The following AUTS2 variants were observed in gnomAD, a reference collection of about 807,000 sequenced individuals.
The protein encoded by AUTS2 is autism susceptibility gene 2 protein.
Under a neutral mutation model 112.4 loss-of-function variants are expected in AUTS2, and 17 were observed. The observed-to-expected ratio is 0.15, with a 90% CI of 0.10 to 0.23. The LOEUF (loss-of-function observed/expected upper bound fraction) is 0.23. Ranked by LOEUF, AUTS2 falls within the 10% of genes least tolerant of loss-of-function variation. The pLI, the probability that AUTS2 is intolerant of heterozygous loss-of-function variation, is 1.00. For missense variants in AUTS2, 1,510 were observed against 1,701.6 expected, an observed-to-expected ratio of 0.89 and a Z score of 1.98; for synonymous variants, 751 against 702.7, an observed-to-expected ratio of 1.07 and a Z score of -1.09.
At chr7:70,750,001 G>A (rs147111815) in intron 6 of AUTS2, among the ~76,000 whole-genome samples, 5 of 152,298 alleles carry the variant, frequency 3.3e-5, no homozygotes, top group African/African-American at 4.8e-5. Flanking sequence ...GAGACTGCTG[G>A]TGGAAATTAA....
intron 1 of AUTS2, among the ~76,000 whole-genome samples, chr7:69,682,485 A>C (rs1796843241): frequency 1.3e-5 from 2 of 152,214 alleles, no homozygotes; most frequent in Admixed American, 6.5e-5. Flanking sequence ...CTAGCTGTGT[A>C]ATCCTGGTGG....
intron 5 of AUTS2, among the ~76,000 whole-genome samples, chr7:70,613,490 A>ACTCATTAAGTCTCCC (rs968852222): frequency 6.6e-6 from 1 of 151,994 alleles, no homozygotes; most frequent in African/African-American, 2.4e-5. Flanking sequence ...CCTGGTGAGA[A>ACTCATTAAGTCTCCC]CTCATTAAGT....
In AUTS2 at chr7:70,671,186, AAAAC is replaced by A. The variant is rs906589684; in HGVS notation, c.691-27371_691-27368del. Among the ~76,000 whole-genome samples, 79 of 152,278 alleles carry A rather than the reference AAAAC, an allele frequency of 5.2e-4. 1 individual carries two copies. Among genetic ancestry groups the A allele is most frequent in the Admixed American group, 1.7e-3 (26 of 15,306 alleles). On this transcript the variant is annotated intron_variant, in intron 5 of 18. Transcript: ENST00000342771. ...GTGACAGAGCGAGACTCCGTCTCAA[AAAAC>A]AAACAAACAAAAACAAACAACAAAA...
chr7:70,533,703 G>A (rs542084158), intron 5 of AUTS2, among the ~76,000 whole-genome samples: 5 of 152,208 alleles, frequency 3.3e-5, no homozygotes, highest in African/African-American at 7.2e-5. Context: ...AATCTCTGCC[G>A]ATGCAGACCT....
chr7:69,642,737 C>A (rs947006987), intron 1 of AUTS2, among the ~76,000 whole-genome samples: 1 of 152,096 alleles, frequency 6.6e-6, no homozygotes, highest in Non-Finnish European at 1.5e-5. Flanking sequence ...AACAAATATA[C>A]CCACCCCTTC....
At chr7:69,904,047 A>G (rs1380535927) in intron 2 of AUTS2, among the ~76,000 whole-genome samples, 1 of 152,170 alleles carries the variant, frequency 6.6e-6, no homozygotes, top group Non-Finnish European at 1.5e-5. Context: ...TTAAAATTAG[A>G]GTGATTACTA....
At chr7:70,789,049 C>T (rs549884763) in intron 18 of AUTS2, among the ~76,000 whole-genome samples, 47 of 152,338 alleles carry the variant, frequency 3.1e-4, no homozygotes, top group South Asian at 1.7e-3. Flanking sequence ...GTTTAGGGAC[C>T]TGCTTTTCCT....
chr7:70,245,133 A>T (rs1168163463), intron 4 of AUTS2, among the ~76,000 whole-genome samples: 10 of 58,732 alleles, frequency 1.7e-4, no homozygotes, highest in African/African-American at 6.0e-4. Flanking sequence ...AAAAAAAAAA[A>T]GTGTGTGTGT....
At position 69,651,416 on chromosome 7, in the gene AUTS2, T is replaced by C. The variant is rs534118240; in HGVS notation, c.309+51454T>C. ...TGGCCATTTTACTCCGTGGCTAATA[T>C]TTGGAACTAGTCATTTCTGGATTGT... On this transcript the variant is annotated intron_variant, in intron 1 of 18. Transcript: ENST00000342771. Among the ~76,000 whole-genome samples the C allele has an allele frequency of 3.3e-4, 51 of 152,358 alleles. 2 individuals carry two copies. The South Asian group carries it at 9.9e-3, about 30-fold the overall frequency.
chr7:70,781,952 G>T, intron 15 of AUTS2, 196 bp downstream of exon 15: 1 of 638,018 alleles, frequency 1.6e-6, no homozygotes. Context: ...CATTAAAGGA[G>T]GAGGCAGAGA....
In AUTS2 at chr7:70,516,167, G is replaced by A. The variant is rs999229046; in HGVS notation, c.690+80386G>A. ...ACTGATTGAACAGAGAGACAGTAAT[G>A]TATGTCGTAGGGGTTAGCTTCAAGC... On this transcript the variant is annotated intron_variant, in intron 5 of 18. Coordinates refer to ENST00000342771, the MANE Select transcript of AUTS2 (RefSeq NM_015570.4). 5.9e-5 allele frequency among the ~76,000 whole-genome samples: 9 copies of A among 152,174 alleles called. 1 individual carries two copies. The highest frequency in any genetic ancestry group is 5.9e-4 in the Admixed American group (9 of 15,276).
At chr7:70,091,139 G>A (rs1160703687) in intron 2 of AUTS2, among the ~76,000 whole-genome samples, 1 of 152,112 alleles carries the variant, frequency 6.6e-6, no homozygotes, top group Non-Finnish European at 1.5e-5. Context: ...CTGTAAAAAT[G>A]TTTCACAGTC....
At chr7:70,635,714 A>G (rs1268020085) in intron 5 of AUTS2, among the ~76,000 whole-genome samples, 1 of 152,136 alleles carries the variant, frequency 6.6e-6, no homozygotes, top group Non-Finnish European at 1.5e-5. Context: ...AGAAGGGGTG[A>G]TTTGTGTTCT....
chr7:69,743,236 G>T (rs1159005002), intron 1 of AUTS2, among the ~76,000 whole-genome samples: 1 of 152,158 alleles, frequency 6.6e-6, no homozygotes, highest in African/African-American at 2.4e-5. Flanking sequence ...CAGGGTTGTT[G>T]TAAAGACTAG....
At chr7:70,582,037 CTT>C (rs35939256) in intron 5 of AUTS2, among the ~76,000 whole-genome samples, 13 of 128,670 alleles carry the variant, frequency 1.0e-4, no homozygotes, top group Admixed American at 1.6e-4. Flanking sequence ...ACCCAACCCA[CTT>C]TTTTTTTTTT....
At chr7:70,425,361 T>G (rs538372223) in intron 4 of AUTS2, among the ~76,000 whole-genome samples, 2 of 152,236 alleles carry the variant, frequency 1.3e-5, no homozygotes, top group Admixed American at 6.5e-5. Flanking sequence ...CATTCTGCCT[T>G]CCTGAAGGTG....
intron 4 of AUTS2, among the ~76,000 whole-genome samples, chr7:70,138,614 T>C (rs1164618882): frequency 6.6e-6 from 1 of 152,202 alleles, no homozygotes; most frequent in East Asian, 1.9e-4. Context: ...AACTAATAAT[T>C]TTCATCTTCC....
At chr7:70,775,902 G>T (rs2129558973) in intron 13 of AUTS2, among the ~76,000 whole-genome samples, 1 of 152,330 alleles carries the variant, frequency 6.6e-6, no homozygotes, top group South Asian at 2.1e-4. Flanking sequence ...ACTGGCCAGT[G>T]TGATGACCTC....
At chr7:70,300,066 C>T (rs973668006) in intron 4 of AUTS2, among the ~76,000 whole-genome samples, 3 of 152,082 alleles carry the variant, frequency 2.0e-5, no homozygotes, top group Non-Finnish European at 4.4e-5. Flanking sequence ...CTGCATCATG[C>T]GTGTGTATAT....
Sources: allele counts gnomAD v4.1 joint callset (sites outside exome capture counted in the v4.1 genomes callset), GRCh38; gene constraint gnomAD v4.1.1; transcripts MANE v1.5; gene names NCBI Gene and HGNC (gene_info 2026-07-23, HGNC 2026-07-21).